Variants in SCFD2 observed in about 807,000 individuals in gnomAD.
SCFD2 encodes the protein sec1 family domain-containing protein 2.
Under a neutral mutation model 58.9 loss-of-function variants are expected in SCFD2, and 54 were observed. The ratio of observed to expected loss-of-function variants is 0.92; its 90% CI spans 0.74 to 1.15. SCFD2 has a LOEUF of 1.15. SCFD2 is among the 50% of genes most tolerant of loss of function. SCFD2 has a pLI of 0.00. For missense variants in SCFD2, 805 were observed against 836.6 expected, an observed-to-expected ratio of 0.96 and a Z score of 0.47; for synonymous variants, 321 against 335.9, an observed-to-expected ratio of 0.96 and a Z score of 0.49.
chr4:52,956,254 TC>T, intron 5 of SCFD2: 1 of 456,582 alleles, frequency 2.2e-6, no homozygotes, highest in South Asian at 1.5e-5. Flanking sequence ...AAGGCAAACC[TC>T]CTTCCCCTTG....
intron 4 of SCFD2, among the ~76,000 whole-genome samples, chr4:53,171,138 G>A (rs941634693): frequency 3.9e-5 from 6 of 152,136 alleles, no homozygotes; most frequent in Admixed American, 2.0e-4. Flanking sequence ...TTTCACCACT[G>A]AGTAAAATGT....
chr4:52,986,049 G>A (rs1577880544), intron 5 of SCFD2, among the ~76,000 whole-genome samples: 1 of 151,966 alleles, frequency 6.6e-6, no homozygotes, highest in African/African-American at 2.4e-5. Context: ...CCCCTGTGAC[G>A]TCGCAGTCAA....
intron 4 of SCFD2, among the ~76,000 whole-genome samples, chr4:53,249,000 C>T (rs1487150522): frequency 2.0e-5 from 3 of 152,162 alleles, no homozygotes; most frequent in Non-Finnish European, 4.4e-5. Flanking sequence ...GACGATCAAA[C>T]TACTCCGAGC....
intron 4 of SCFD2, among the ~76,000 whole-genome samples, chr4:53,261,693 T>G (rs1194453363): frequency 6.6e-6 from 1 of 152,212 alleles, no homozygotes; most frequent in Non-Finnish European, 1.5e-5. Flanking sequence ...GAACGCATAT[T>G]CTGCAGTTGT....
chr4:53,288,639 T>C (rs1309679710), intron 3 of SCFD2, among the ~76,000 whole-genome samples: 1 of 152,134 alleles, frequency 6.6e-6, no homozygotes, highest in Non-Finnish European at 1.5e-5. Context: ...TAGTGAAGAA[T>C]ACTACACCCA....
At chr4:53,231,358 T>C (rs1203636812) in intron 4 of SCFD2, among the ~76,000 whole-genome samples, 1 of 152,138 alleles carries the variant, frequency 6.6e-6, no homozygotes, top group Non-Finnish European at 1.5e-5. Flanking sequence ...TGTCAAAGCA[T>C]GGCGTCTGGT....
At chr4:53,334,829 G>T (rs1733624334) in intron 2 of SCFD2, among the ~76,000 whole-genome samples, 1 of 152,176 alleles carries the variant, frequency 6.6e-6, no homozygotes, top group African/African-American at 2.4e-5. Flanking sequence ...ATCTCAAAAT[G>T]CCTTCTTTAT....
chr4:52,960,063 T>C (rs1338404185), intron 5 of SCFD2, among the ~76,000 whole-genome samples: 1 of 152,228 alleles, frequency 6.6e-6, no homozygotes, highest in African/African-American at 2.4e-5. Context: ...TCTGAATTTA[T>C]GTTCCTATTT....
At chr4:53,300,664 C>A (rs963017419) in intron 3 of SCFD2, among the ~76,000 whole-genome samples, 13 of 152,172 alleles carry the variant, frequency 8.5e-5, no homozygotes, top group Non-Finnish European at 1.3e-4. Flanking sequence ...CAGCACCACA[C>A]CACACCTACT....
chr4:53,085,037 A>G (rs1376018760), intron 5 of SCFD2, among the ~76,000 whole-genome samples: 1 of 152,190 alleles, frequency 6.6e-6, no homozygotes, highest in African/African-American at 2.4e-5. Flanking sequence ...TCCTTGCTAG[A>G]GCAACCAGAC....
intron 5 of SCFD2, among the ~76,000 whole-genome samples, chr4:53,106,058 C>A (rs1194170484): frequency 1.3e-5 from 2 of 152,126 alleles, no homozygotes; most frequent in Non-Finnish European, 2.9e-5. Context: ...CAAACAGGGT[C>A]TGGAGTGGAC....
At chr4:53,055,846 A>C (rs569768448) in intron 5 of SCFD2, among the ~76,000 whole-genome samples, 1 of 152,042 alleles carries the variant, frequency 6.6e-6, no homozygotes, top group Admixed American at 6.6e-5. Context: ...GTGTGTGCCC[A>C]CTTGCTCAGA....
chr4:53,298,044 C>A (rs1162164637), intron 3 of SCFD2, among the ~76,000 whole-genome samples: 3 of 152,152 alleles, frequency 2.0e-5, no homozygotes, highest in Non-Finnish European at 4.4e-5. Context: ...GTGATTTCTG[C>A]ATTTCCAACT....
intron 2 of SCFD2, among the ~76,000 whole-genome samples, chr4:53,337,814 T>C (rs1733730667): frequency 6.6e-6 from 1 of 152,186 alleles, no homozygotes; most frequent in African/African-American, 2.4e-5. Context: ...GAGTATACAC[T>C]ATATGATTCA....
At chr4:53,327,337 GC>G (rs1463379890) in intron 2 of SCFD2, among the ~76,000 whole-genome samples, 1 of 152,170 alleles carries the variant, frequency 6.6e-6, no homozygotes, top group Non-Finnish European at 1.5e-5. Flanking sequence ...GGGTGGCAGA[GC>G]CAAAATGGAA....
chr4:53,040,704 T>C (rs144940963), intron 5 of SCFD2, among the ~76,000 whole-genome samples: 8 of 152,222 alleles, frequency 5.3e-5, no homozygotes, highest in Admixed American at 4.6e-4. Context: ...GTTCTTCCAA[T>C]GCATGCTTCT....
At chr4:53,093,906 T>G (rs1724543830) in intron 5 of SCFD2, among the ~76,000 whole-genome samples, 2 of 152,130 alleles carry the variant, frequency 1.3e-5, no homozygotes, top group Admixed American at 1.3e-4. Flanking sequence ...TTTCACTGTA[T>G]GTAATTTTTA....
intron 5 of SCFD2, among the ~76,000 whole-genome samples, chr4:53,134,731 T>G (rs2148902729): frequency 6.6e-6 from 1 of 152,322 alleles, no homozygotes; most frequent in South Asian, 2.1e-4. Context: ...CCTCACACTT[T>G]TCCATAAAAC....
chr4:53,282,654 C>T (rs1167324863), intron 3 of SCFD2, among the ~76,000 whole-genome samples: 2 of 151,860 alleles, frequency 1.3e-5, no homozygotes, highest in African/African-American at 2.4e-5. Flanking sequence ...TGTATCTATA[C>T]ATAATAGAAT....
Sources: gnomAD v4.1 joint callset for allele counts (sites outside exome capture counted in the v4.1 genomes callset) on GRCh38, gnomAD v4.1.1 for gene constraint, MANE v1.5 for transcripts, NCBI Gene and HGNC (gene_info 2026-07-23, HGNC 2026-07-21) for gene names.